HTT: variants seen among roughly 807,000 people sequenced by gnomAD.
The protein encoded by HTT is huntington disease protein.
Under a neutral mutation model 362.3 loss-of-function variants are expected in HTT, and 104 were observed. The ratio of observed to expected loss-of-function variants is 0.29; its 90% CI spans 0.24 to 0.34. The LOEUF is 0.34. HTT is among the 10% of genes least tolerant of loss of function. The pLI, the probability that HTT is intolerant of heterozygous loss-of-function variation, is 1.00. For missense variants in HTT, 3,301 were observed against 3,928.6 expected, an observed-to-expected ratio of 0.84 and a Z score of 4.27; for synonymous variants, 1,577 against 1,548.7, an observed-to-expected ratio of 1.02 and a Z score of -0.43.
At chr4:3,136,698 T>G (rs184789183) in intron 21 of HTT, among the ~76,000 whole-genome samples, 1 of 152,256 alleles carries the variant, frequency 6.6e-6, no homozygotes, top group Non-Finnish European at 1.5e-5. Flanking sequence ...CAGGTCAAAA[T>G]TACATGCAAT....
At chr4:3,187,177 A>T (rs534005755) in intron 38 of HTT, among the ~76,000 whole-genome samples, 10 of 149,632 alleles carry the variant, frequency 6.7e-5, no homozygotes, top group African/African-American at 2.2e-4. Context: ...TTTTTTGGAG[A>T]TGGAGCCTTG....
intron 45 of HTT, 142 bp from the exon 46 acceptor site, chr4:3,208,631 G>C (rs1394676316): frequency 1.5e-6 from 1 of 682,722 alleles, no homozygotes; most frequent in Non-Finnish European, 2.3e-6. Context: ...GTTTAAACAA[G>C]TGTATTTTCC....
At chr4:3,156,481 C>G (rs1359613342) in intron 27 of HTT, among the ~76,000 whole-genome samples, 1 of 152,114 alleles carries the variant, frequency 6.6e-6, no homozygotes, top group African/African-American at 2.4e-5. Flanking sequence ...GAAGATTGAC[C>G]TGTTGAAAAG....
At chr4:3,193,236 T>C (rs1719100043) in intron 40 of HTT, among the ~76,000 whole-genome samples, 1 of 152,278 alleles carries the variant, frequency 6.6e-6, no homozygotes, top group African/African-American at 2.4e-5. Context: ...AATTTAATTT[T>C]CATAGTGGAC....
Position 3,145,172 on chromosome 4 carries a change from G to A in HTT, c.3087G>A (p.Leu1029=), listed in dbSNP as rs955594035. 6.2e-6 allele frequency: 10 copies of A among 1,613,844 alleles called. No homozygotes were observed. Among genetic ancestry groups the A allele is most frequent in the Non-Finnish European group, 8.5e-6 (10 of 1,179,734 alleles). The change falls in exon 24 of 67, where the codon TTG becomes TTA. Residue 1029 remains leucine, a synonymous_variant. Transcript: ENST00000355072. ...RALTFGCCEA[L]CLLSTAFPVC... The stretch of plus-strand genomic sequence containing the variant: ...CTCAGTTTGGATGCTGTGAAGCTTT[G>A]TGTCTTCTTTCCACTGCCTTCCCAG...
intron 2 of HTT, among the ~76,000 whole-genome samples, chr4:3,098,791 G>C (rs990906763): frequency 6.6e-6 from 1 of 152,194 alleles, no homozygotes; most frequent in Non-Finnish European, 1.5e-5. Context: ...AGGAGAGATA[G>C]ACTGCTGAAC....
At position 3,187,873 on chromosome 4, in the gene HTT, G is replaced by T; in HGVS notation, c.5212G>T (p.Glu1738Ter). The T allele has an allele frequency of 6.2e-7, 1 of 1,607,504 alleles. No homozygotes were observed. The highest frequency in any genetic ancestry group is 1.1e-5 in the South Asian group (1 of 90,696). The stretch of plus-strand genomic sequence containing the variant: ...GAAACAAATAAAGAATTTGCCAGAA[G>T]AAACATTTTCAAGGTATGCTTTCTA... ...EGKQIKNLPEETFSRFLLQLV... is the reference protein window; with the variant it reads ...EGKQIKNLPE The change falls in exon 39 of 67, where the codon GAA becomes TAA. Residue 1738 changes from glutamate (E) to a stop codon, truncating the protein, a stop_gained. Transcript: ENST00000355072. LOFTEE classifies it high-confidence loss of function.
At chr4:3,123,401 T>A (rs1715380062) in intron 10 of HTT, 1 of 153,736 alleles carries the variant, frequency 6.5e-6, no homozygotes, top group Non-Finnish European at 1.4e-5. Flanking sequence ...CCTTAGGGAA[T>A]GTGTTGTTAT....
At chr4:3,197,239 C>T (rs892319506) in intron 40 of HTT, among the ~76,000 whole-genome samples, 11 of 152,034 alleles carry the variant, frequency 7.2e-5, no homozygotes, top group African/African-American at 2.7e-4. Flanking sequence ...CCCTTTGTGA[C>T]CTTGGCTGTT....
chr4:3,225,160 G>T (rs899735371), intron 56 of HTT, among the ~76,000 whole-genome samples: 3 of 151,738 alleles, frequency 2.0e-5, no homozygotes, highest in South Asian at 2.1e-4. Flanking sequence ...GGCGTGGGGG[G>T]GTGTGAAAGG....
At chr4:3,235,148 A>G in intron 61 of HTT, 136 bp from the exon 62 acceptor site, 1 of 638,070 alleles carries the variant, frequency 1.6e-6, no homozygotes, top group Non-Finnish European at 2.8e-6. Flanking sequence ...GGCCTGGGGG[A>G]GCCACTCAGG....
At chr4:3,215,480 C>T (rs954390790) in intron 51 of HTT, among the ~76,000 whole-genome samples, 5 of 152,128 alleles carry the variant, frequency 3.3e-5, no homozygotes, top group African/African-American at 7.2e-5. Flanking sequence ...GCTCCCTTCC[C>T]CCCGCACTTC....
intron 59 of HTT, 26 bp downstream of exon 59, chr4:3,229,035 A>T: frequency 6.2e-7 from 1 of 1,600,952 alleles, no homozygotes; most frequent in Non-Finnish European, 8.5e-7. Context: ...CATTCCCCTC[A>T]CACCTGCACG....
chr4:3,074,938 A>G lies in HTT; in HGVS notation c.113A>G (p.Gln38Arg). 9 of 1,266,784 alleles carry G rather than the reference A, an allele frequency of 7.1e-6. No homozygotes were observed. The highest frequency in any genetic ancestry group is 6.3e-6 in the Non-Finnish European group (6 of 957,290). The allele number at this position is 1,266,784 out of a possible 1,614,324, so 78.5% of individuals were successfully genotyped here. Residue 38 changes from glutamine (Q) to arginine (R), a missense_variant, in exon 1 of 67, where the codon CAG becomes CGG. Transcript: ENST00000355072. The part of the protein sequence containing the change: ...QQQQQQQQQQ[Q>R]PPPPPPPPPP... ...CAGCAGCAGCAGCAGCAGCAGCAAC[A>G]GCCGCCACCGCCGCCGCCGCCGCCG... is the stretch of plus-strand genomic sequence containing the variant.
intron 26 of HTT, among the ~76,000 whole-genome samples, chr4:3,151,370 G>C (rs1716883119): frequency 6.7e-6 from 1 of 150,150 alleles, no homozygotes; most frequent in African/African-American, 2.5e-5. Context: ...GAGAGAGACA[G>C]AGAGAGAGAG....
chr4:3,127,408 A>G lies in HTT; in HGVS notation c.1547A>G (p.Asp516Gly). The change falls in exon 12 of 67, where the codon GAC (aspartate) becomes GGC (glycine). Residue 516 changes from aspartate to glycine, a missense_variant. Coordinates refer to ENST00000355072, the MANE Select transcript of HTT (RefSeq NM_001388492.1). ...GACTCAGTGGATCTGGCCAGCTGTG[A>G]CTTGACAAGCTCTGCCACTGATGGG... The part of the protein sequence containing the change: ...QADSVDLASC[D>G]LTSSATDGDE... 1.9e-6 allele frequency: 3 copies of G among 1,614,152 alleles called. No individual in the cohort carries two copies. The South Asian group carries it at 3.3e-5, about 18-fold the overall frequency.
chr4:3,102,901 G>T (rs1022093546), intron 3 of HTT, among the ~76,000 whole-genome samples: 22 of 152,164 alleles, frequency 1.4e-4, no homozygotes, highest in Non-Finnish European at 8.8e-5. Flanking sequence ...AGCAAGGAGG[G>T]TTGAGAGATG....
rs1170663890 is a variant in HTT, at chr4:3,236,176, C to T, written c.8813C>T (p.Thr2938Ile). 4 of 1,613,996 alleles carry T rather than the reference C, an allele frequency of 2.5e-6. No homozygotes were observed. Among genetic ancestry groups the T allele is most frequent in the East Asian group, 2.2e-5 (1 of 44,906 alleles). Residue 2938 changes from threonine to isoleucine, a missense_variant, in exon 64 of 67, where the codon ACT becomes ATT. Physicochemically the swap from Thr to Ile is moderately conservative, Grantham distance 89. This residue lies in a region of HTT where 753 missense variants were observed against 1,021.3 expected (regional missense o/e 0.74). Transcript: ENST00000355072. Reference protein sequence around the residue: ...TGKEKVSPGRTSDPNPAAPDS... With the variant: ...TGKEKVSPGRISDPNPAAPDS... The stretch of plus-strand genomic sequence containing the variant: ...AAGGAGAAAGTCAGTCCGGGTAGAA[C>T]TTCAGACCCTAATCCTGCAGCCCCC...
intron 40 of HTT, among the ~76,000 whole-genome samples, chr4:3,196,469 G>C (rs1719261677): frequency 6.6e-6 from 1 of 152,246 alleles, no homozygotes; most frequent in Non-Finnish European, 1.5e-5. Context: ...AGGTGTGGTG[G>C]CTCACACCTG....
Sources: allele counts gnomAD v4.1 joint callset (sites outside exome capture counted in the v4.1 genomes callset), GRCh38; gene constraint gnomAD v4.1.1; regional missense constraint gnomAD v4.1.1; transcripts MANE v1.5; gene names NCBI Gene and HGNC (gene_info 2026-07-23, HGNC 2026-07-21).